The following ANKRD30B variants were observed in gnomAD, a reference collection of about 807,000 sequenced individuals.
ANKRD30B encodes ankyrin repeat domain-containing protein 30B.
ANKRD30B carries 144 observed loss-of-function variants against 202.2 expected under a neutral mutation model. That is an observed-to-expected ratio of 0.71 (90% confidence interval 0.62 to 0.82). The LOEUF (loss-of-function observed/expected upper bound fraction) is 0.82. ANKRD30B is among the 40% of genes least tolerant of loss of function. The pLI is 0.00. For missense variants in ANKRD30B, 1,487 were observed against 1,669.1 expected, an observed-to-expected ratio of 0.89 and a Z score of 1.90; for synonymous variants, 508 against 561.3, an observed-to-expected ratio of 0.91 and a Z score of 1.34.
At chr18:14,821,250 C>T (rs1175261287) in intron 30 of ANKRD30B, among the ~76,000 whole-genome samples, 3 of 151,938 alleles carry the variant, frequency 2.0e-5, no homozygotes, top group African/African-American at 7.3e-5. Context: ...TGATTCTTCT[C>T]CCTTTTTTTC....
At chr18:14,907,871 C>G in the ANKRD30B span, among the ~76,000 whole-genome samples, 2,306 of 152,136 alleles carry the variant, frequency 0.015, 62 homozygotes, top group African/African-American at 0.053. Context: ...TTTCATCTCT[C>G]TACACTCTGC....
chr18:14,786,693 A>G (rs994314356), intron 14 of ANKRD30B, among the ~76,000 whole-genome samples: 3 of 152,352 alleles, frequency 2.0e-5, no homozygotes, highest in African/African-American at 7.2e-5. Context: ...TTACAAAGAA[A>G]TGAGAGATGA....
At chr18:14,884,302 A>G in the ANKRD30B span, among the ~76,000 whole-genome samples, 1 of 151,312 alleles carries the variant, frequency 6.6e-6, no homozygotes, top group Admixed American at 6.6e-5. Context: ...TCTAAGGTGG[A>G]TCCCTTTCTG....
At chr18:14,757,728 T>C in intron 4 of ANKRD30B, 87 bp from the exon 5 acceptor site, 2 of 1,375,832 alleles carry the variant, frequency 1.5e-6, no homozygotes, top group South Asian at 1.5e-5. Context: ...CTTATGTTTG[T>C]TAGTACATGT....
At chr18:14,766,832 G>A (rs1916305492) in intron 7 of ANKRD30B, among the ~76,000 whole-genome samples, 2 of 152,330 alleles carry the variant, frequency 1.3e-5, no homozygotes, top group South Asian at 2.1e-4. Flanking sequence ...AAAGGAGATT[G>A]AGCAGTGGCT....
At position 14,853,801 on chromosome 18, in the gene ANKRD30B, C is replaced by T. The variant is rs114390069; in HGVS notation, c.4477-8C>T. 0.016 allele frequency among the ~76,000 whole-genome samples: 2,454 copies of T among 152,220 alleles called. 67 individuals are homozygous for T. Among genetic ancestry groups the T allele is most frequent in the African/African-American group, 0.056 (2,343 of 41,528 alleles). On this transcript the variant is annotated splice_polypyrimidine_tract_variant and splice_region_variant and intron_variant, in intron 42 of 43. Coordinates refer to ENST00000690538, the MANE Select transcript of ANKRD30B (RefSeq NM_001367607.2). ...ATGATTCACAAAATCAAAAACATGT[C>T]TTTTCAGGTCATTGTGAGACAACTT... is the stretch of plus-strand genomic sequence containing the variant.
chr18:14,936,093 G>T, the ANKRD30B span, among the ~76,000 whole-genome samples: 1 of 152,232 alleles, frequency 6.6e-6, no homozygotes, highest in Non-Finnish European at 1.5e-5. Flanking sequence ...AGGCTGCAGT[G>T]TTGCAAGGGA....
chr18:14,798,802 C>G (rs1290141229), intron 20 of ANKRD30B, among the ~76,000 whole-genome samples: 1 of 152,152 alleles, frequency 6.6e-6, no homozygotes, highest in Non-Finnish European at 1.5e-5. Flanking sequence ...GCACATCACC[C>G]ACTGTTGGCT....
At chr18:14,779,558 A>G (rs1214778057) in intron 10 of ANKRD30B, among the ~76,000 whole-genome samples, 3 of 152,228 alleles carry the variant, frequency 2.0e-5, no homozygotes, top group Non-Finnish European at 4.4e-5. Context: ...AGAACTGTGT[A>G]ATAAAGATTG....
intron 34 of ANKRD30B, 78 bp from the exon 35 acceptor site, chr18:14,837,129 AATTG>A (rs1344283457): frequency 6.2e-6 from 5 of 812,814 alleles, no homozygotes; most frequent in Non-Finnish European, 9.9e-6. Flanking sequence ...CTTTCTGACA[AATTG>A]ATTGAGTGAG....
the ANKRD30B span, among the ~76,000 whole-genome samples, chr18:14,874,943 A>G: frequency 6.6e-6 from 1 of 152,224 alleles, no homozygotes; most frequent in Non-Finnish European, 1.5e-5. Flanking sequence ...TGAGAGGTCA[A>G]GGCCGCTGAT....
chr18:14,913,973 G>A, the ANKRD30B span, among the ~76,000 whole-genome samples: 148,136 of 152,330 alleles, frequency 0.97, 72,178 homozygotes, highest in East Asian at 1. Context: ...TGTTTTATAG[G>A]TGAGAAAATT....
rs573441414 is a variant in ANKRD30B at position 14,809,673 on chromosome 18, A to G, written c.2387-313A>G. The stretch of plus-strand genomic sequence containing the variant: ...GCACGTCCATTCACAGGCTCTCTGC[A>G]GGGGGAAACACATCACGCGCTGTTG... On this transcript the variant is annotated intron_variant, in intron 26 of 43. Transcript: ENST00000690538. 4.8e-4 allele frequency among the ~76,000 whole-genome samples: 72 copies of G among 151,066 alleles called. 4 individuals carry two copies. Among genetic ancestry groups the G allele is most frequent in the African/African-American group, 1.7e-3 (68 of 40,944 alleles).
the ANKRD30B span, among the ~76,000 whole-genome samples, chr18:14,881,228 A>G: frequency 1.3e-5 from 2 of 152,212 alleles, no homozygotes; most frequent in Non-Finnish European, 2.9e-5. Flanking sequence ...GGTTTGTCCT[A>G]GATGGCTTTT....
At position 14,787,061 on chromosome 18, in the gene ANKRD30B, C is replaced by T. The variant is rs765684511; in HGVS notation, c.1695C>T (p.Ser565=). ...LRAAQMFPSE[S]KQKDDEENSW... is the part of the protein sequence containing the mutation. ...TAGCTCAGATGTTCCCATCAGAATC[C>T]AAACAAAAGGACGATGAAGAAAATT... The change falls in exon 15 of 44, where the codon TCC becomes TCT. Residue 565 remains serine, a synonymous_variant. Transcript: ENST00000690538. 65 of 1,609,330 alleles carry T rather than the reference C, an allele frequency of 4.0e-5. No homozygotes were observed. Among genetic ancestry groups the T allele is most frequent in the Non-Finnish European group, 4.8e-5 (56 of 1,177,128 alleles).
intron 16 of ANKRD30B, among the ~76,000 whole-genome samples, chr18:14,795,248 G>A (rs1371263657): frequency 6.6e-6 from 1 of 152,230 alleles, no homozygotes; most frequent in East Asian, 1.9e-4. Context: ...CCAGGCTGGA[G>A]TGCAGGGGCA....
At chr18:14,882,025 T>C in the ANKRD30B span, among the ~76,000 whole-genome samples, 10 of 152,246 alleles carry the variant, frequency 6.6e-5, no homozygotes, top group Non-Finnish European at 1.3e-4. Flanking sequence ...TAATGGTCTA[T>C]CGATTTTATT....
At chr18:14,932,225 T>C in the ANKRD30B span, among the ~76,000 whole-genome samples, 12 of 151,934 alleles carry the variant, frequency 7.9e-5, no homozygotes, top group Middle Eastern at 3.4e-3. Flanking sequence ...GGCTCCTGCC[T>C]GGCGTCAGGT....
At chr18:14,938,067 C>A in the ANKRD30B span, among the ~76,000 whole-genome samples, 32 of 152,242 alleles carry the variant, frequency 2.1e-4, no homozygotes, top group African/African-American at 7.5e-4. Flanking sequence ...ATGAAACTGA[C>A]GAGATGACCC....
Sources: allele counts gnomAD v4.1 joint callset (sites outside exome capture counted in the v4.1 genomes callset), GRCh38; gene constraint gnomAD v4.1.1; transcripts MANE v1.5; gene names NCBI Gene and HGNC (gene_info 2026-07-23, HGNC 2026-07-21).